Variants in POLR3E observed in about 807,000 individuals in gnomAD.
The protein encoded by POLR3E is RNA polymerase III subunit E.
A neutral mutation model predicts 96.6 loss-of-function variants in POLR3E; 41 were observed. The observed-to-expected ratio is 0.42, with a 90% CI of 0.33 to 0.55. The LOEUF (loss-of-function observed/expected upper bound fraction) is 0.55, where lower values mean the gene tolerates loss of function less well. Ranked by LOEUF, POLR3E falls within the 20% of genes least tolerant of loss-of-function variation. The pLI is 0.06. For missense variants in POLR3E, 849 were observed against 952.1 expected, an observed-to-expected ratio of 0.89 and a Z score of 1.43; for synonymous variants, 396 against 383.6, an observed-to-expected ratio of 1.03 and a Z score of -0.38.
chr16:22,314,785 C>T (rs2048319845), intron 8 of POLR3E: 1 of 235,414 alleles, frequency 4.2e-6, no homozygotes, highest in Non-Finnish European at 8.4e-6. Flanking sequence ...CTCTGGGGAA[C>T]TTAGAAAAGG....
chr16:22,317,839 A>G (rs2048391889), intron 12 of POLR3E, among the ~76,000 whole-genome samples: 1 of 151,762 alleles, frequency 6.6e-6, no homozygotes, highest in Non-Finnish European at 1.5e-5. Flanking sequence ...CAATGTCTTC[A>G]CTGGCATTGC....
chr16:22,299,205 G>T (rs1230357734), intron 1 of POLR3E, among the ~76,000 whole-genome samples: 2 of 152,120 alleles, frequency 1.3e-5, no homozygotes, highest in African/African-American at 4.8e-5. Context: ...ATCCCTGTGG[G>T]AGAATAGATG....
chr16:22,301,632 C>T (rs1337508511), intron 1 of POLR3E, among the ~76,000 whole-genome samples: 1 of 150,706 alleles, frequency 6.6e-6, no homozygotes, highest in Non-Finnish European at 1.5e-5. Flanking sequence ...AGACAAAAAT[C>T]ATGCTGGTCT....
rs539399909 is a variant in POLR3E at position 22,319,438 on chromosome 16, C to T, written c.986+492C>T. Among the ~76,000 whole-genome samples, 16 of 151,020 alleles carry T rather than the reference C, an allele frequency of 1.1e-4. No individual in the cohort carries two copies. The South Asian group carries it at 3.3e-3, about 32-fold the overall frequency. ...TTTTGAGACAGAGTCTCGCTCTGTC[C>T]CACAGGCTGGAGTGCAGTGGTGCGA... On this transcript the variant is annotated intron_variant, in intron 13 of 20. Transcript: ENST00000299853.
At position 22,326,358 on chromosome 16, in the gene POLR3E, C is replaced by T. The variant is rs541998895; in HGVS notation, c.1866+80C>T. On this transcript the variant is annotated intron_variant, in intron 18 of 20. Coordinates refer to ENST00000299853, the MANE Select transcript of POLR3E (RefSeq NM_018119.4). ...GCTGTTGGGAGGCCACGTGGGGACA[C>T]GGGAGGCCATGCTTGGTGAGCATCT... 2.5e-4 allele frequency: 307 copies of T among 1,210,588 alleles called. 1 individual carries two copies. The highest frequency in any genetic ancestry group is 3.6e-4 in the Admixed American group (18 of 50,464). The allele number at this position is 1,210,588 out of a possible 1,614,324, so 75.0% of individuals were successfully genotyped here.
At chr16:22,304,994 C>G (rs537207556) in intron 2 of POLR3E, among the ~76,000 whole-genome samples, 162 bp from the exon 3 acceptor site, 1 of 152,246 alleles carries the variant, frequency 6.6e-6, no homozygotes, top group Admixed American at 6.5e-5. Flanking sequence ...CAGTGTGCAG[C>G]CTTGGATCCG....
rs1013349990 is a variant in POLR3E, at chr16:22,313,365, T to G, written c.365-255T>G. Among the ~76,000 whole-genome samples, 4 of 152,150 alleles carry G rather than the reference T, an allele frequency of 2.6e-5. No individual in the cohort carries two copies. The highest frequency in any genetic ancestry group is 4.8e-5 in the African/African-American group (2 of 41,442). ...GTGGAACCAGACTGGGAGGTGGGAC[T>G]GAAGGAAGTGGCTTCGAACAGAAGA... On this transcript the variant is annotated intron_variant, in intron 6 of 20. Transcript: ENST00000299853. This position sits in a 1 kb window ranked among gnomAD's most constrained non-coding sequence, Gnocchi z 4.1.
chr16:22,304,843 A>G (rs2048101517), intron 2 of POLR3E, among the ~76,000 whole-genome samples: 1 of 152,140 alleles, frequency 6.6e-6, no homozygotes. Context: ...GCATTTGCCC[A>G]GGCTGTAGGA....
chr16:22,334,026 T>C lies in POLR3E; in HGVS notation c.*326T>C. On this transcript the variant is annotated 3_prime_UTR_variant, in exon 21 of 21. Coordinates refer to ENST00000299853, the MANE Select transcript of POLR3E (RefSeq NM_018119.4). ...ACTGACATGGGCAGGATGATAAAAA[T>C]CATGGTTTAATATTTTCTTTTGTAA... 3.7e-6 allele frequency: 1 copy of C among 267,988 alleles called. No individual in the cohort carries two copies. Among genetic ancestry groups the C allele is most frequent in the Non-Finnish European group, 7.0e-6 (1 of 142,998 alleles). 16.6% of individuals were successfully genotyped at this position (267,988 alleles called of 1,614,324 possible).
intron 19 of POLR3E, 28 bp downstream of exon 19, chr16:22,328,615 C>T (rs370780590): frequency 7.0e-5 from 112 of 1,596,482 alleles, no homozygotes; most frequent in African/African-American, 4.4e-4. Flanking sequence ...GCCATCTTCC[C>T]GAAGAGCCAG....
intron 4 of POLR3E, 41 bp downstream of exon 4, chr16:22,308,266 G>C (rs1184334818): frequency 6.7e-7 from 1 of 1,482,560 alleles, no homozygotes; most frequent in Admixed American, 1.7e-5. Flanking sequence ...CGAAAGAGAG[G>C]GTGATGAGGG....
chr16:22,312,862 A>T (rs1395507941), intron 6 of POLR3E, among the ~76,000 whole-genome samples: 1 of 135,810 alleles, frequency 7.4e-6, no homozygotes, highest in South Asian at 2.4e-4. Context: ...TGACAGAGCG[A>T]CACTCCATCT....
At chr16:22,324,440 C>T in intron 15 of POLR3E, 27 bp downstream of exon 15, 2 of 1,610,674 alleles carry the variant, frequency 1.2e-6, no homozygotes, top group South Asian at 1.1e-5. Context: ...TGGTCTGAGG[C>T]CCAGGCTGCT....
intron 9 of POLR3E, among the ~76,000 whole-genome samples, 163 bp downstream of exon 9, chr16:22,315,371 C>T (rs996038411): frequency 1.3e-5 from 2 of 152,218 alleles, no homozygotes; most frequent in African/African-American, 2.4e-5. Flanking sequence ...CCAGCCGAGC[C>T]ACTTAGCGTG....
intron 7 of POLR3E, 71 bp from the exon 8 acceptor site, chr16:22,314,008 G>T: frequency 7.3e-7 from 1 of 1,365,746 alleles, no homozygotes; most frequent in Admixed American, 1.7e-5. Flanking sequence ...AGGCTTCCCT[G>T]GCGGGTGGGG....
At position 22,302,977 on chromosome 16, in the gene POLR3E, T is replaced by C. The variant is rs2141727999; in HGVS notation, c.9T>C (p.Asn3=). The change falls in exon 2 of 21, where the codon AAT becomes AAC. Residue 3 remains asparagine, a synonymous_variant. Coordinates refer to ENST00000299853, the MANE Select transcript of POLR3E (RefSeq NM_018119.4). ...GCTGGCTCTCCTCTAGTATGGCCAA[T>C]GAAGAGGATGACCCAGTTGTACAGG... MA[N]EEDDPVVQEI... 2.5e-6 allele frequency: 4 copies of C among 1,614,040 alleles called. No homozygotes were observed. Among genetic ancestry groups the C allele is most frequent in the Non-Finnish European group, 3.4e-6 (4 of 1,179,918 alleles).
intron 1 of POLR3E, among the ~76,000 whole-genome samples, chr16:22,297,916 C>T (rs1052662889): frequency 2.0e-5 from 3 of 152,228 alleles, no homozygotes; most frequent in African/African-American, 7.2e-5. Flanking sequence ...CCTGACCACC[C>T]GCGAGGGAGC....
Position 22,331,843 on chromosome 16 carries a change from A to G in POLR3E, c.1945-217A>G, listed in dbSNP as rs570901141. On this transcript the variant is annotated intron_variant, in intron 19 of 20. Coordinates refer to ENST00000299853, the MANE Select transcript of POLR3E (RefSeq NM_018119.4). ...TTTATTTATATTCAAGTTTCCAGAC[A>G]TAGCATTAATGCCTTTACTTTTGTG... 3.9e-5 allele frequency: 18 copies of G among 467,070 alleles called. No individual in the cohort carries two copies. In the East Asian group the frequency reaches 5.7e-4, roughly 15 times the overall value. The allele number at this position is 467,070 out of a possible 1,614,324, so 28.9% of individuals were successfully genotyped here.
intron 19 of POLR3E, among the ~76,000 whole-genome samples, chr16:22,329,246 G>A (rs2048683705): frequency 6.6e-6 from 1 of 152,160 alleles, no homozygotes; most frequent in African/African-American, 2.4e-5. Context: ...CTGGCAGCAG[G>A]AATCAAAAGG....
Sources: gnomAD v4.1 joint callset for allele counts (sites outside exome capture counted in the v4.1 genomes callset) on GRCh38, gnomAD v4.1.1 for gene constraint, Gnocchi (gnomAD v3.1) non-coding constraint, MANE v1.5 for transcripts, NCBI Gene and HGNC (gene_info 2026-07-23, HGNC 2026-07-21) for gene names.